Variants in PKN2 observed in about 807,000 individuals in gnomAD.
PKN2 encodes protein kinase N2, also known as serine/threonine-protein kinase N2.
PKN2 carries 38 observed loss-of-function variants against 119.1 expected under a neutral mutation model. The ratio of observed to expected loss-of-function variants is 0.32; its 90% CI spans 0.25 to 0.42. The LOEUF is 0.42. PKN2 is among the 10% of genes least tolerant of loss of function. The pLI is 1.00. For missense variants in PKN2, 850 were observed against 1,165.1 expected (o/e 0.73, Z 3.94); for synonymous variants, 390 against 384.9 (o/e 1.01, Z -0.15).
intron 8 of PKN2, among the ~76,000 whole-genome samples, chr1:88,804,059 T>C (rs907710692): frequency 1.3e-5 from 2 of 152,124 alleles, no homozygotes; most frequent in African/African-American, 4.8e-5. Context: ...AGGAGGGAAA[T>C]CTGAAAGATT....
intron 1 of PKN2, among the ~76,000 whole-genome samples, chr1:88,716,088 T>C (rs1557560362): frequency 6.6e-6 from 1 of 152,220 alleles, no homozygotes; most frequent in Admixed American, 6.5e-5. Context: ...TCACTTTCCA[T>C]GTAGTTGTGT....
chr1:88,752,654 A>C (rs992831575), intron 2 of PKN2, among the ~76,000 whole-genome samples: 4 of 152,088 alleles, frequency 2.6e-5, no homozygotes, highest in Non-Finnish European at 4.4e-5. Flanking sequence ...GAAATGACTT[A>C]CCTGTAATCT....
At chr1:88,755,619 A>G (rs1669165737) in intron 2 of PKN2, among the ~76,000 whole-genome samples, 1 of 152,158 alleles carries the variant, frequency 6.6e-6, no homozygotes, top group Non-Finnish European at 1.5e-5. Context: ...CCCTTATTAC[A>G]TTTTAAGCAT....
chr1:88,808,463 G>A lies in PKN2; in HGVS notation c.2102+688G>A, dbSNP rs143190417. Among the ~76,000 whole-genome samples, 1,024 of 151,896 alleles carry A rather than the reference G, an allele frequency of 6.7e-3. 10 individuals carry two copies. The highest frequency in any genetic ancestry group is 0.021 in the African/African-American group (868 of 41,412). On this transcript the variant is annotated intron_variant, in intron 15 of 21. Coordinates refer to ENST00000370521, the MANE Select transcript of PKN2 (RefSeq NM_006256.4). ...TGGGACTACAGACGCATGCCACCACGTCCAGCTTTTTTTTGTATTTTTAGT... is the reference window on the plus strand; with the variant it reads ...TGGGACTACAGACGCATGCCACCACATCCAGCTTTTTTTTGTATTTTTAGT...
chr1:88,723,923 A>G (rs1210747162), intron 1 of PKN2, among the ~76,000 whole-genome samples: 2 of 152,114 alleles, frequency 1.3e-5, no homozygotes, highest in Non-Finnish European at 2.9e-5. Flanking sequence ...TTCTCATAAT[A>G]ATATTGAGAC....
chr1:88,760,046 GTTT>G (rs11358635), intron 2 of PKN2, among the ~76,000 whole-genome samples, 173 bp from the exon 3 acceptor site: 2 of 135,728 alleles, frequency 1.5e-5, no homozygotes, highest in African/African-American at 2.6e-5. Context: ...TCAGATACGT[GTTT>G]TTTTTTTTTT....
intron 1 of PKN2, among the ~76,000 whole-genome samples, chr1:88,734,397 T>C (rs868207309): frequency 6.6e-6 from 1 of 152,142 alleles, no homozygotes. Context: ...TGGTGAGAGA[T>C]AAGAATCTAA....
intron 1 of PKN2, among the ~76,000 whole-genome samples, chr1:88,714,105 T>A (rs2100691614): frequency 6.6e-6 from 1 of 152,306 alleles, no homozygotes; most frequent in Admixed American, 6.5e-5. Context: ...TGGGTGGTAT[T>A]ATTTCTGAGG....
rs1472559000 is a variant in PKN2 at position 88,834,917 on chromosome 1, G to C, written c.*1469G>C. 6.6e-6 allele frequency: 1 copy of C among 152,160 alleles called. No individual in the cohort carries two copies. Among genetic ancestry groups the C allele is most frequent in the Non-Finnish European group, 1.5e-5 (1 of 67,868 alleles). 9.4% of individuals were successfully genotyped at this position (152,160 alleles called of 1,614,324 possible). A position where few individuals can be genotyped will look rare whatever the true frequency, so the allele number is the denominator to read the frequency against. On this transcript the variant is annotated 3_prime_UTR_variant, in exon 22 of 22. Transcript: ENST00000370521. Reference sequence around the variant, plus strand: ...TTTGATCCTGTGCTTAGCATGTTAGGGTCATTATACCTCAGGAATAGCAAG... The same window carrying C: ...TTTGATCCTGTGCTTAGCATGTTAGCGTCATTATACCTCAGGAATAGCAAG...
chr1:88,730,144 G>A (rs1463508497), intron 1 of PKN2, among the ~76,000 whole-genome samples: 1 of 150,622 alleles, frequency 6.6e-6, no homozygotes. Context: ...CAGCCTGGGC[G>A]ACAGAACGAG....
intron 2 of PKN2, among the ~76,000 whole-genome samples, chr1:88,749,763 G>A (rs1668913851): frequency 1.3e-5 from 2 of 152,328 alleles, no homozygotes; most frequent in East Asian, 1.9e-4. Context: ...ATAGGAAGAA[G>A]TATGTTAAGA....
rs1465259257 is a variant in PKN2 at position 88,684,492 on chromosome 1, C to T, written c.-89C>T. 7.3e-4 allele frequency: 809 copies of T among 1,108,326 alleles called. 1 individual carries two copies. Among genetic ancestry groups the T allele is most frequent in the Non-Finnish European group, 9.2e-4 (720 of 786,462 alleles). 68.7% of individuals were successfully genotyped at this position (1,108,326 alleles called of 1,614,324 possible). A position where few individuals can be genotyped will look rare whatever the true frequency, so the allele number is the denominator to read the frequency against. ...GTTTTTTTTTTTTTCTTTCTCTCCCCTCTCCTCACCCCCACCCCGAGCCCC... is the reference window on the plus strand; with the variant it reads ...GTTTTTTTTTTTTTCTTTCTCTCCCTTCTCCTCACCCCCACCCCGAGCCCC... On this transcript the variant is annotated 5_prime_UTR_variant, in exon 1 of 22. Transcript: ENST00000370521.
intron 1 of PKN2, among the ~76,000 whole-genome samples, chr1:88,699,873 C>T (rs796989899): frequency 2.4e-4 from 36 of 152,088 alleles, no homozygotes; most frequent in African/African-American, 8.7e-4. Flanking sequence ...ACCTCTGCCT[C>T]CTGGGTTCAA....
At chr1:88,800,496 G>A (rs888900043) in intron 8 of PKN2, among the ~76,000 whole-genome samples, 9 of 152,132 alleles carry the variant, frequency 5.9e-5, no homozygotes, top group African/African-American at 2.2e-4. Flanking sequence ...ACCCACCTTA[G>A]CAAAGATGGG....
intron 12 of PKN2, among the ~76,000 whole-genome samples, 188 bp from the exon 13 acceptor site, chr1:88,807,125 A>G (rs1671574022): frequency 6.6e-6 from 1 of 152,068 alleles, no homozygotes; most frequent in African/African-American, 2.4e-5. Context: ...AGACCTCTCT[A>G]GGCAACATAG....
At chr1:88,733,945 A>G (rs1668239994) in intron 1 of PKN2, among the ~76,000 whole-genome samples, 1 of 152,154 alleles carries the variant, frequency 6.6e-6, no homozygotes, top group South Asian at 2.1e-4. Context: ...GGATCACTTG[A>G]TGCCATCAGT....
At position 88,828,472 on chromosome 1, in the gene PKN2, C is replaced by CT. The variant is rs755298242; in HGVS notation, c.2420-5dup. ...TTGCTAACAAATGTTTACATTTTAT[C>CT]TTTTCCAGGAATGGGATATGGAGAT... On this transcript the variant is annotated splice_polypyrimidine_tract_variant and intron_variant, in intron 18 of 21. Coordinates refer to ENST00000370521, the MANE Select transcript of PKN2 (RefSeq NM_006256.4). The CT allele has an allele frequency of 1.5e-5, 24 of 1,566,772 alleles. No individual in the cohort carries two copies. The highest frequency in any genetic ancestry group is 1.9e-5 in the Non-Finnish European group (22 of 1,148,468).
intron 3 of PKN2, among the ~76,000 whole-genome samples, chr1:88,766,083 G>A (rs1259594181): frequency 6.6e-6 from 1 of 152,200 alleles, no homozygotes; most frequent in Non-Finnish European, 1.5e-5. Context: ...AAAGTGCTGG[G>A]ATTACAGGCA....
rs1388190692 is a variant in PKN2, at chr1:88,807,237, TC to T, written c.1804-74del. The T allele has an allele frequency of 4.1e-6, 4 of 973,918 alleles. No homozygotes were observed. In the African/African-American group the frequency reaches 5.1e-5, roughly 12 times the overall value. The allele number at this position is 973,918 out of a possible 1,614,324, so 60.3% of individuals were successfully genotyped here. A position where few individuals can be genotyped will look rare whatever the true frequency, so the allele number is the denominator to read the frequency against. The stretch of plus-strand genomic sequence containing the variant: ...TTTATATTGACTTTTGAAATGTTTT[TC>T]CTTAATTTTATCATTATCAAATAAG... On this transcript the variant is annotated intron_variant, in intron 12 of 21. Coordinates refer to ENST00000370521, the MANE Select transcript of PKN2 (RefSeq NM_006256.4).
Sources: gnomAD v4.1 joint callset for allele counts (sites outside exome capture counted in the v4.1 genomes callset) on GRCh38, gnomAD v4.1.1 for gene constraint, MANE v1.5 for transcripts, NCBI Gene and HGNC (gene_info 2026-07-23, HGNC 2026-07-21) for gene names.